Variants in CERS6 observed in about 807,000 individuals in gnomAD.
The protein encoded by CERS6 is ceramide synthase 6, also known as LAG1 homolog, ceramide synthase 6.
CERS6 carries 26 observed loss-of-function variants against 56.8 expected under a neutral mutation model. That is an observed-to-expected ratio of 0.46 (90% CI 0.34 to 0.63). CERS6 has a LOEUF of 0.63. Among genes scored for constraint, CERS6 ranks in the 30% least tolerant of loss-of-function variants. The pLI, the probability that CERS6 is intolerant of heterozygous loss-of-function variation, is 0.01. For missense variants in CERS6, 415 were observed against 467.5 expected (o/e 0.89, Z 1.04); for synonymous variants, 164 against 173.3 (o/e 0.95, Z 0.42).
intron 1 of CERS6, among the ~76,000 whole-genome samples, chr2:168,457,126 G>T (rs1237870380): frequency 2.0e-5 from 3 of 152,250 alleles, no homozygotes; most frequent in East Asian, 1.9e-4. Context: ...TGTAGGGGTT[G>T]TGCTTCAAAA....
intron 8 of CERS6, among the ~76,000 whole-genome samples, chr2:168,731,469 G>T (rs1459295863): frequency 1.3e-5 from 2 of 152,032 alleles, no homozygotes; most frequent in African/African-American, 4.8e-5. Context: ...CAAGATTTTA[G>T]TATACCAAAT....
At chr2:168,458,449 A>G (rs904557174) in intron 1 of CERS6, among the ~76,000 whole-genome samples, 3 of 152,230 alleles carry the variant, frequency 2.0e-5, no homozygotes, top group Admixed American at 6.5e-5. Context: ...TAAAAAGATA[A>G]ACACTAATGT....
intron 3 of CERS6, among the ~76,000 whole-genome samples, chr2:168,601,793 G>A (rs547893030): frequency 6.6e-6 from 1 of 152,028 alleles, no homozygotes; most frequent in Non-Finnish European, 1.5e-5. Context: ...CAGGTGATCC[G>A]CCCACCCCAG....
chr2:168,474,565 A>C (rs1349093415), intron 1 of CERS6, among the ~76,000 whole-genome samples: 1 of 152,238 alleles, frequency 6.6e-6, no homozygotes, highest in Admixed American at 6.5e-5. Flanking sequence ...CTATTTTAAC[A>C]TGATGACTTT....
chr2:168,461,601 C>T (rs1049728234), intron 1 of CERS6, among the ~76,000 whole-genome samples: 3 of 151,738 alleles, frequency 2.0e-5, no homozygotes, highest in Non-Finnish European at 4.4e-5. Flanking sequence ...GTTTTCTCAT[C>T]TAGTAAAATA....
At chr2:168,483,448 C>T (rs1157601987) in intron 1 of CERS6, among the ~76,000 whole-genome samples, 2 of 152,070 alleles carry the variant, frequency 1.3e-5, no homozygotes, top group Admixed American at 1.3e-4. Context: ...GAGGGAGGGC[C>T]AATCTCTTTC....
chr2:168,638,306 T>G (rs1339960874), intron 4 of CERS6, among the ~76,000 whole-genome samples: 1 of 152,168 alleles, frequency 6.6e-6, no homozygotes, highest in Non-Finnish European at 1.5e-5. Flanking sequence ...ATGAATTTAT[T>G]TTCTGCAATG....
intron 3 of CERS6, among the ~76,000 whole-genome samples, chr2:168,626,578 A>ACT (rs1423403011): frequency 6.6e-6 from 1 of 152,176 alleles, no homozygotes; most frequent in Non-Finnish European, 1.5e-5. Context: ...TTCAGGTTTG[A>ACT]AAGATATAAA....
At chr2:168,570,185 G>A (rs1170113559) in intron 3 of CERS6, among the ~76,000 whole-genome samples, 2 of 152,182 alleles carry the variant, frequency 1.3e-5, no homozygotes, top group Non-Finnish European at 2.9e-5. Flanking sequence ...GAACCCTAAG[G>A]AGGCGGAATC....
chr2:168,603,199 A>G (rs1432531842), intron 3 of CERS6, among the ~76,000 whole-genome samples: 2 of 152,172 alleles, frequency 1.3e-5, no homozygotes, highest in Non-Finnish European at 2.9e-5. Context: ...TAAAAAGAGA[A>G]GTGGTATATG....
At chr2:168,684,129 C>T (rs1285370286) in intron 4 of CERS6, among the ~76,000 whole-genome samples, 2 of 152,168 alleles carry the variant, frequency 1.3e-5, no homozygotes, top group African/African-American at 4.8e-5. Context: ...GGACTAGTAT[C>T]CTTTTTAAAG....
chr2:168,736,470 C>T (rs976106570), intron 8 of CERS6, among the ~76,000 whole-genome samples: 4 of 151,820 alleles, frequency 2.6e-5, no homozygotes, highest in African/African-American at 9.7e-5. Flanking sequence ...GCACTACAGG[C>T]GTGTCCACTG....
At chr2:168,677,123 A>G (rs765516716) in intron 4 of CERS6, among the ~76,000 whole-genome samples, 14 of 151,178 alleles carry the variant, frequency 9.3e-5, no homozygotes, top group Non-Finnish European at 3.0e-5. Flanking sequence ...GCACCCATCA[A>G]CCCATCATCT....
At chr2:168,599,457 C>T (rs551100365) in intron 3 of CERS6, among the ~76,000 whole-genome samples, 80 of 152,294 alleles carry the variant, frequency 5.3e-4, no homozygotes, top group South Asian at 2.5e-3. Context: ...TGCAGGTACA[C>T]TTAAAGAACA....
Position 168,529,646 on chromosome 2 carries a change from G to C in CERS6, c.171-17950G>C, listed in dbSNP as rs539850297. Reference sequence around the variant, plus strand: ...GTTAGAGGGCTCAGTCCTTGGAGCAGAATGACAGGAATCTGTATTGGCATT... The same window carrying C: ...GTTAGAGGGCTCAGTCCTTGGAGCACAATGACAGGAATCTGTATTGGCATT... On this transcript the variant is annotated intron_variant, in intron 1 of 9. Coordinates refer to ENST00000305747, the MANE Select transcript of CERS6 (RefSeq NM_203463.3). 3.9e-4 allele frequency among the ~76,000 whole-genome samples: 59 copies of C among 152,308 alleles called. No individual in the cohort carries two copies. In the South Asian group the frequency reaches 0.012, roughly 30 times the overall value.
chr2:168,640,103 A>G (rs1013112417), intron 4 of CERS6, among the ~76,000 whole-genome samples: 1 of 152,182 alleles, frequency 6.6e-6, no homozygotes, highest in African/African-American at 2.4e-5. Context: ...ATTAATCTAT[A>G]TTGATAGAGG....
chr2:168,687,128 C>T (rs1686372948), intron 4 of CERS6, among the ~76,000 whole-genome samples: 1 of 152,210 alleles, frequency 6.6e-6, no homozygotes, highest in African/African-American at 2.4e-5. Context: ...AAGTGACACA[C>T]ACAAACTTTG....
intron 8 of CERS6, among the ~76,000 whole-genome samples, chr2:168,728,315 T>C (rs1281285370): frequency 6.7e-6 from 1 of 149,826 alleles, no homozygotes; most frequent in Non-Finnish European, 1.5e-5. Context: ...AGTGAAGTAC[T>C]GAATACATTC....
chr2:168,550,134 T>C (rs1474971025), intron 2 of CERS6, among the ~76,000 whole-genome samples: 1 of 152,160 alleles, frequency 6.6e-6, no homozygotes. Flanking sequence ...AGCTTTTTCC[T>C]TCCTCCCTCA....
Sources: gnomAD v4.1 joint callset for allele counts (sites outside exome capture counted in the v4.1 genomes callset) on GRCh38, gnomAD v4.1.1 for gene constraint, MANE v1.5 for transcripts, NCBI Gene and HGNC (gene_info 2026-07-23, HGNC 2026-07-21) for gene names.